NGEF: variants seen among roughly 807,000 people sequenced by gnomAD.
NGEF encodes the protein neuronal guanine nucleotide exchange factor.
In NGEF, 31 loss-of-function variants were observed where a neutral mutation model predicts 80.9. That is an observed-to-expected ratio of 0.38 (90% CI 0.29 to 0.52). NGEF has a LOEUF of 0.52. Ranked by LOEUF, NGEF falls within the 20% of genes least tolerant of loss-of-function variation. The pLI, the probability that NGEF is intolerant of heterozygous loss-of-function variation, is 0.84. For synonymous variants in NGEF, 371 were observed against 370.2 expected, an observed-to-expected ratio of 1.00 and a Z score of -0.03; for missense variants, 709 against 926.2, an observed-to-expected ratio of 0.77 and a Z score of 3.04.
intron 1 of NGEF, among the ~76,000 whole-genome samples, chr2:233,002,388 G>A (rs1384295430): frequency 6.6e-6 from 1 of 152,034 alleles, no homozygotes; most frequent in Admixed American, 6.6e-5. Flanking sequence ...GTTAAAAATT[G>A]TAAATGTGGC....
chr2:232,944,726 A>AACATATATATATATATATAT (rs988760226), intron 3 of NGEF, among the ~76,000 whole-genome samples: 22 of 108,746 alleles, frequency 2.0e-4, no homozygotes, highest in Admixed American at 9.4e-4. Context: ...GACTTTTCCG[A>AACATATATATATATATATAT]ATATATATAT....
intron 5 of NGEF, among the ~76,000 whole-genome samples, chr2:232,907,416 A>C (rs1692591670): frequency 6.6e-6 from 1 of 152,156 alleles, no homozygotes; most frequent in African/African-American, 2.4e-5. Context: ...AAATAGACTG[A>C]AAAAAAGATC....
intron 8 of NGEF, chr2:232,891,011 C>T (rs1270272682): frequency 4.1e-6 from 2 of 488,122 alleles, no homozygotes; most frequent in South Asian, 1.5e-5. Context: ...CCACCAGCTC[C>T]TCCCTGTCAG....
chr2:232,884,079 G>A lies in NGEF; in HGVS notation c.1503C>T (p.Gly501=), dbSNP rs748172774. ...LKQGELQQMS[G]PKTSRTLRTK... is the part of the protein sequence containing the mutation. The stretch of plus-strand genomic sequence containing the variant: ...TCCTCAGGGTCCGGGAGGTCTTGGG[G>A]CCTGACATCTGCTGCAGCTCACCCT... The change falls in exon 11 of 15, where the codon GGC becomes GGT. Residue 501 remains glycine (G), a synonymous_variant. Transcript: ENST00000264051. 3.7e-6 allele frequency: 6 copies of A among 1,612,396 alleles called. No individual in the cohort carries two copies. The East Asian group carries it at 1.3e-4, about 36-fold the overall frequency.
At chr2:232,977,338 G>A (rs1480825634) in intron 1 of NGEF, among the ~76,000 whole-genome samples, 1 of 152,186 alleles carries the variant, frequency 6.6e-6, no homozygotes, top group Non-Finnish European at 1.5e-5. Context: ...ATGAGACCCA[G>A]AGACAATGAT....
chr2:232,984,562 C>T (rs144864807), intron 1 of NGEF, among the ~76,000 whole-genome samples: 23 of 152,244 alleles, frequency 1.5e-4, no homozygotes, highest in Admixed American at 1.4e-3. Flanking sequence ...GGGGAAAGAA[C>T]AAGCTAGACA....
At chr2:232,956,369 A>G (rs543195930) in intron 3 of NGEF, among the ~76,000 whole-genome samples, 12 of 152,332 alleles carry the variant, frequency 7.9e-5, no homozygotes, top group Admixed American at 7.8e-4. Context: ...ATTCAAAAGA[A>G]TTAGAAAAAG....
At chr2:232,945,982 C>CCAATATATATA (rs1394120734) in intron 3 of NGEF, among the ~76,000 whole-genome samples, 1 of 151,176 alleles carries the variant, frequency 6.6e-6, no homozygotes, top group African/African-American at 2.4e-5. Flanking sequence ...CATCAATCAA[C>CCAATATATATA]TAGTGGATAA....
chr2:232,905,348 C>T (rs2106257591), intron 5 of NGEF, among the ~76,000 whole-genome samples: 1 of 152,384 alleles, frequency 6.6e-6, no homozygotes, highest in African/African-American at 2.4e-5. Context: ...GAGTGATCCG[C>T]CAGCCTCGGC....
At chr2:232,962,092 G>A (rs555618437) in intron 3 of NGEF, among the ~76,000 whole-genome samples, 4 of 152,308 alleles carry the variant, frequency 2.6e-5, no homozygotes, top group Non-Finnish European at 2.9e-5. Flanking sequence ...GAGCAAATTC[G>A]GGTAGGCTTC....
intron 3 of NGEF, among the ~76,000 whole-genome samples, chr2:232,967,707 GTGT>G (rs1694094068): frequency 7.4e-5 from 1 of 13,476 alleles, no homozygotes; most frequent in Non-Finnish European, 1.8e-4. Context: ...TAAAATAGGG[GTGT>G]GTGTGTGTGT....
intron 3 of NGEF, among the ~76,000 whole-genome samples, chr2:232,950,105 C>G (rs1424440419): frequency 6.6e-6 from 1 of 152,238 alleles, no homozygotes; most frequent in African/African-American, 2.4e-5. Context: ...AGCCACTGCA[C>G]CCAGCCAGAA....
intron 1 of NGEF, among the ~76,000 whole-genome samples, chr2:232,998,422 T>G (rs1014536440): frequency 6.6e-6 from 1 of 151,940 alleles, no homozygotes; most frequent in African/African-American, 2.4e-5. Flanking sequence ...CGCATGTGCT[T>G]AGGAAGCATG....
chr2:232,897,193 T>G (rs1344601696), intron 5 of NGEF, among the ~76,000 whole-genome samples: 1 of 151,560 alleles, frequency 6.6e-6, no homozygotes, highest in East Asian at 1.9e-4. Context: ...TCACTCCTTT[T>G]AGGGCCGCCC....
chr2:232,953,509 TAA>T (rs71398762), intron 3 of NGEF, among the ~76,000 whole-genome samples: 61 of 113,954 alleles, frequency 5.4e-4, no homozygotes, highest in African/African-American at 1.3e-3. Flanking sequence ...TTTTTTTTTT[TAA>T]AAAAAAAAGA....
chr2:232,916,383 A>T (rs1482856089), intron 5 of NGEF, among the ~76,000 whole-genome samples: 1 of 152,206 alleles, frequency 6.6e-6, no homozygotes, highest in Non-Finnish European at 1.5e-5. Flanking sequence ...GAGCTGAGAA[A>T]CCTAGGCAGT....
intron 8 of NGEF, chr2:232,890,981 G>A (rs1460871724): frequency 1.3e-5 from 6 of 476,574 alleles, no homozygotes; most frequent in Middle Eastern, 3.2e-4. Flanking sequence ...TGCGTGGAAT[G>A]TTCTTTCCTC....
At position 232,920,304 on chromosome 2, in the gene NGEF, C is replaced by T. The variant is rs767420117; in HGVS notation, c.808G>A (p.Glu270Lys). 6 of 1,613,806 alleles carry T rather than the reference C, an allele frequency of 3.7e-6. No homozygotes were observed. Among genetic ancestry groups the T allele is most frequent in the South Asian group, 1.1e-5 (1 of 91,026 alleles). ...SSGVLEILQP[E>K]EIKLQEAMFE... ...GTTACCTCCTGCAGCTTAATCTCCT[C>T]GGGCTGTAGGATCTCAAGCACCCCG... The change falls in exon 5 of 15, where the codon GAG becomes AAG. Residue 270 changes from glutamate (E) to lysine (K), a missense_variant. Coordinates refer to ENST00000264051, the MANE Select transcript of NGEF (RefSeq NM_019850.3).
At chr2:232,897,521 A>G (rs1215287844) in intron 5 of NGEF, among the ~76,000 whole-genome samples, 1 of 152,112 alleles carries the variant, frequency 6.6e-6, no homozygotes, top group Non-Finnish European at 1.5e-5. Context: ...CGCCTGCAGG[A>G]GCTCTCACTG....
Sources: gnomAD v4.1 joint callset for allele counts (sites outside exome capture counted in the v4.1 genomes callset) on GRCh38, gnomAD v4.1.1 for gene constraint, MANE v1.5 for transcripts, NCBI Gene and HGNC (gene_info 2026-07-23, HGNC 2026-07-21) for gene names.